DNAH11: variants seen among roughly 807,000 people sequenced by gnomAD.
The protein encoded by DNAH11 is dynein axonemal heavy chain 11.
DNAH11 carries 442 observed loss-of-function variants against 526.0 expected under a neutral mutation model. That is an observed-to-expected ratio of 0.84 (90% confidence interval 0.78 to 0.91). DNAH11 has a LOEUF of 0.91. Among genes scored for constraint, DNAH11 ranks in the 40% least tolerant of loss-of-function variants. The probability of loss-of-function intolerance (pLI) is 0.00; values close to 1 mark genes in which losing one functional copy is unlikely to be tolerated. For synonymous variants in DNAH11, 2,461 were observed against 1,935.9 expected (o/e 1.27, Z -7.12); for missense variants, 6,989 against 5,448.7 (o/e 1.28, Z -8.90).
rs114704164 is a variant in DNAH11, at chr7:21,798,971, C to G, written c.10027-2166C>G. Among the ~76,000 whole-genome samples, 1,223 of 151,996 alleles carry G rather than the reference C, an allele frequency of 8.0e-3. 20 individuals carry two copies. Among genetic ancestry groups the G allele is most frequent in the African/African-American group, 0.028 (1,149 of 41,458 alleles). Reference sequence around the variant, plus strand: ...TTAACTTCTAATACCACAAATATTACTTGATATCATCTGTATGAACCAGTG... The same window carrying G: ...TTAACTTCTAATACCACAAATATTAGTTGATATCATCTGTATGAACCAGTG... On this transcript the variant is annotated intron_variant, in intron 61 of 81. Coordinates refer to ENST00000409508, the MANE Select transcript of DNAH11 (RefSeq NM_001277115.2).
Position 21,551,920 on chromosome 7 carries a change from A to G in DNAH11, c.495+6771A>G, listed in dbSNP as rs562307527. On this transcript the variant is annotated intron_variant, in intron 2 of 81. Transcript: ENST00000409508. The stretch of plus-strand genomic sequence containing the variant: ...TTTAGAGTCTGAGAATCTGTTAACT[A>G]TCTCCTGGCTTTTGACTTAATATAT... Among the ~76,000 whole-genome samples, 463 of 152,234 alleles carry G rather than the reference A, an allele frequency of 3.0e-3. 10 individuals carry two copies. Among genetic ancestry groups the G allele is most frequent in the South Asian group, 0.025 (122 of 4,822 alleles).
chr7:21,614,624 G>A lies in DNAH11; in HGVS notation c.3853-490G>A, dbSNP rs563316243. On this transcript the variant is annotated intron_variant, in intron 20 of 81. Coordinates refer to ENST00000409508, the MANE Select transcript of DNAH11 (RefSeq NM_001277115.2). ...TATGGTGATGTTTTCATACTGGGCT[G>A]TGTTTTTAGCTTTATGCTTTATTTC... Among the ~76,000 whole-genome samples, 7 of 152,326 alleles carry A rather than the reference G, an allele frequency of 4.6e-5. No homozygotes were observed. In the South Asian group the frequency reaches 6.2e-4, roughly 14 times the overall value.
chr7:21,566,498 A>G (rs750096398), intron 6 of DNAH11, among the ~76,000 whole-genome samples: 18 of 152,148 alleles, frequency 1.2e-4, no homozygotes, highest in Non-Finnish European at 2.2e-4. Flanking sequence ...ATTATATAGT[A>G]CTTATTTTGT....
chr7:21,556,644 A>C (rs1384997774), intron 2 of DNAH11, among the ~76,000 whole-genome samples: 1 of 152,142 alleles, frequency 6.6e-6, no homozygotes, highest in African/African-American at 2.4e-5. Context: ...ATAGTATCCG[A>C]TAGGCAGTTC....
At chr7:21,792,219 T>G (rs1433146420) in intron 61 of DNAH11, among the ~76,000 whole-genome samples, 1 of 152,242 alleles carries the variant, frequency 6.6e-6, no homozygotes, top group Non-Finnish European at 1.5e-5. Context: ...ATATCACATT[T>G]ACTCATTTGC....
At chr7:21,681,765 T>C (rs957387173) in intron 31 of DNAH11, 88 bp downstream of exon 31, 11 of 1,537,266 alleles carry the variant, frequency 7.2e-6, no homozygotes, top group Non-Finnish European at 9.0e-6. Flanking sequence ...AAGTCGTTGT[T>C]TTTTTGAAAG....
At chr7:21,892,784 C>A (rs1177654136) in intron 77 of DNAH11, 117 bp downstream of exon 77, 16 of 1,170,006 alleles carry the variant, frequency 1.4e-5, no homozygotes, top group Non-Finnish European at 1.8e-5. Flanking sequence ...CTCATACAAC[C>A]ACCACCTAGA....
intron 39 of DNAH11, among the ~76,000 whole-genome samples, chr7:21,705,783 A>G (rs1479555717): frequency 6.6e-6 from 1 of 152,194 alleles, no homozygotes; most frequent in Non-Finnish European, 1.5e-5. Context: ...GCAAGCCAAC[A>G]TGAAGATTGA....
Position 21,590,898 on chromosome 7 carries a change from T to C in DNAH11, c.2170-20T>C. 7.7e-7 allele frequency: 1 copy of C among 1,297,278 alleles called. No individual in the cohort carries two copies. The highest frequency in any genetic ancestry group is 2.1e-5 in the South Asian group (1 of 46,920). The allele number at this position is 1,297,278 out of a possible 1,614,324, so 80.4% of individuals were successfully genotyped here. ...ACATTATGAAAATATGCAATAATTT[T>C]AATAATTGTATTTTAATAGCTAGTG... On this transcript the variant is annotated intron_variant, in intron 12 of 81. Transcript: ENST00000409508.
chr7:21,783,558 A>G (rs1788044085), intron 57 of DNAH11, among the ~76,000 whole-genome samples: 1 of 152,116 alleles, frequency 6.6e-6, no homozygotes, highest in Non-Finnish European at 1.5e-5. Context: ...TTGAAACTCA[A>G]ATTTCTACTG....
chr7:21,780,333 C>T (rs550786088), intron 57 of DNAH11, among the ~76,000 whole-genome samples: 2 of 152,148 alleles, frequency 1.3e-5, no homozygotes, highest in African/African-American at 4.8e-5. Context: ...TAGCTTCAGC[C>T]CAGGAGTTCG....
At position 21,543,343 on chromosome 7, in the gene DNAH11, T is replaced by TGTTGCTCGAGGAGGAGGA. The variant is rs1782657531; in HGVS notation, c.99_100insTTGCTCGAGGAGGAGGAG (p.Val33_Glu34insLeuLeuGluGluGluGlu). ...GCCGGCCTGGAGGCAGTGGGCGCTG[T>TGTTGCTCGAGGAGGAGGA]GGAGCTCGAGGAGGAGGAGGAGAAC... is the stretch of plus-strand genomic sequence containing the variant. On this transcript the variant is annotated inframe_insertion, in exon 1 of 82. Transcript: ENST00000409508. 1 of 1,551,016 alleles carries TGTTGCTCGAGGAGGAGGA rather than the reference T, an allele frequency of 6.4e-7. No homozygotes were observed. The highest frequency in any genetic ancestry group is 2.4e-5 in the East Asian group (1 of 40,870).
chr7:21,683,990 A>G (rs1376651363), intron 32 of DNAH11, 46 bp downstream of exon 32: 5 of 1,599,774 alleles, frequency 3.1e-6, no homozygotes, highest in Non-Finnish European at 4.3e-6. Flanking sequence ...CAACCCAAAA[A>G]AGTCCCCTAG....
chr7:21,808,784 T>A (rs1012801321), intron 63 of DNAH11, among the ~76,000 whole-genome samples: 2 of 152,202 alleles, frequency 1.3e-5, no homozygotes, highest in Non-Finnish European at 2.9e-5. Context: ...TGCCCATCTG[T>A]TGTTGGACAC....
intron 18 of DNAH11, among the ~76,000 whole-genome samples, chr7:21,602,839 A>G (rs577908063): frequency 1.3e-5 from 2 of 152,164 alleles, no homozygotes; most frequent in African/African-American, 2.4e-5. Flanking sequence ...CAATTTCTCT[A>G]TACTTGCTCC....
At chr7:21,559,111 C>G in intron 3 of DNAH11, 113 bp downstream of exon 3, 1 of 838,240 alleles carries the variant, frequency 1.2e-6, no homozygotes, top group Non-Finnish European at 1.8e-6. Context: ...GTTGCTTGAT[C>G]CCAGGAGTTC....
intron 34 of DNAH11, among the ~76,000 whole-genome samples, chr7:21,688,291 T>G (rs1425291849): frequency 1.3e-5 from 2 of 152,212 alleles, no homozygotes; most frequent in Non-Finnish European, 2.9e-5. Context: ...ACCTGCCTTA[T>G]AGACTACTGT....
At chr7:21,748,848 C>T in intron 52 of DNAH11, 106 bp downstream of exon 52, 1 of 1,212,182 alleles carries the variant, frequency 8.2e-7, no homozygotes, top group Non-Finnish European at 1.1e-6. Flanking sequence ...TGGCCAAGGC[C>T]TCCCCAACCA....
At chr7:21,820,736 A>G (rs1380851683) in intron 65 of DNAH11, among the ~76,000 whole-genome samples, 2 of 152,098 alleles carry the variant, frequency 1.3e-5, no homozygotes, top group Admixed American at 6.6e-5. Flanking sequence ...AAATACACTC[A>G]AGGGGCCTGT....
Sources: allele counts gnomAD v4.1 joint callset (sites outside exome capture counted in the v4.1 genomes callset), GRCh38; gene constraint gnomAD v4.1.1; transcripts MANE v1.5; gene names NCBI Gene and HGNC (gene_info 2026-07-23, HGNC 2026-07-21).